Variants in GREB1L observed in about 807,000 individuals in gnomAD.
GREB1L encodes GREB1 like retinoic acid receptor coactivator, also known as GREB1-like protein.
In GREB1L, 17 loss-of-function variants were observed where a neutral mutation model predicts 200.8. That is an observed-to-expected ratio of 0.08 (90% confidence interval 0.06 to 0.13). The LOEUF (loss-of-function observed/expected upper bound fraction) is 0.13, where lower values mean the gene tolerates loss of function less well. Ranked by LOEUF, GREB1L falls within the 10% of genes least tolerant of loss-of-function variation. GREB1L has a pLI of 1.00. For missense variants in GREB1L, 1,657 were observed against 2,367.7 expected (o/e 0.70, Z 6.23); for synonymous variants, 789 against 893.0 (o/e 0.88, Z 2.08).
intron 30 of GREB1L, among the ~76,000 whole-genome samples, chr18:21,517,670 AG>A (rs1254861686): frequency 6.6e-6 from 1 of 152,196 alleles, no homozygotes; most frequent in African/African-American, 2.4e-5. Context: ...AGTGGAGCTT[AG>A]AAACCTCTTT....
At chr18:21,461,918 T>C (rs1263591990) in intron 15 of GREB1L, among the ~76,000 whole-genome samples, 1 of 152,200 alleles carries the variant, frequency 6.6e-6, no homozygotes, top group East Asian at 1.9e-4. Flanking sequence ...AAGCCCATGT[T>C]CCAGAAATCT....
At chr18:21,308,479 C>T (rs944552454) in intron 1 of GREB1L, among the ~76,000 whole-genome samples, 2 of 152,186 alleles carry the variant, frequency 1.3e-5, no homozygotes, top group Non-Finnish European at 2.9e-5. Flanking sequence ...TAAACAATAG[C>T]TGAGAGTATC....
intron 29 of GREB1L, 151 bp from the exon 30 acceptor site, chr18:21,516,462 T>C (rs1431882539): frequency 1.5e-6 from 1 of 677,122 alleles, no homozygotes; most frequent in African/African-American, 1.8e-5. Flanking sequence ...TCAGAGTTTT[T>C]CCAGGTCAGT....
At chr18:21,398,477 G>T (rs1355053925) in intron 5 of GREB1L, among the ~76,000 whole-genome samples, 1 of 152,098 alleles carries the variant, frequency 6.6e-6, no homozygotes, top group African/African-American at 2.4e-5. Context: ...CTCTAGCCTT[G>T]TAAGTGGACA....
At chr18:21,390,570 C>T (rs750657723) in intron 4 of GREB1L, among the ~76,000 whole-genome samples, 31 of 152,222 alleles carry the variant, frequency 2.0e-4, no homozygotes, top group African/African-American at 5.5e-4. Context: ...TGGAGTCTCG[C>T]GCTGTCACCA....
intron 17 of GREB1L, among the ~76,000 whole-genome samples, chr18:21,480,703 A>C (rs1232688378): frequency 2.6e-5 from 4 of 152,182 alleles, no homozygotes; most frequent in South Asian, 2.1e-4. Context: ...CTTGTGTTGA[A>C]TCTTGCAAAG....
intron 19 of GREB1L, among the ~76,000 whole-genome samples, chr18:21,494,861 T>C (rs933248056): frequency 1.3e-5 from 2 of 152,240 alleles, no homozygotes; most frequent in Non-Finnish European, 2.9e-5. Flanking sequence ...CTTTTGAATA[T>C]TTTTCAAATT....
At chr18:21,413,808 C>T (rs1369584346) in intron 7 of GREB1L, among the ~76,000 whole-genome samples, 3 of 152,132 alleles carry the variant, frequency 2.0e-5, no homozygotes, top group Admixed American at 6.5e-5. Flanking sequence ...AAATGCAACC[C>T]CTTAGTAAGC....
intron 23 of GREB1L, among the ~76,000 whole-genome samples, chr18:21,505,152 T>A (rs1379357538): frequency 6.6e-6 from 1 of 152,194 alleles, no homozygotes; most frequent in African/African-American, 2.4e-5. Context: ...TTTGGCCTGG[T>A]GGAGACTAGG....
intron 15 of GREB1L, among the ~76,000 whole-genome samples, chr18:21,464,499 G>A (rs1381253659): frequency 2.0e-5 from 3 of 146,928 alleles, no homozygotes; most frequent in South Asian, 2.2e-4. Flanking sequence ...AGCCGAGATC[G>A]CGCCACTGCA....
intron 7 of GREB1L, among the ~76,000 whole-genome samples, chr18:21,425,595 T>TGTA (rs779470757): frequency 6.6e-5 from 10 of 152,338 alleles, no homozygotes; most frequent in East Asian, 5.8e-4. Flanking sequence ...GTGGGTACGA[T>TGTA]GTAGTAGCTC....
intron 4 of GREB1L, among the ~76,000 whole-genome samples, chr18:21,393,763 A>G (rs2040928784): frequency 6.6e-6 from 1 of 151,942 alleles, no homozygotes; most frequent in Non-Finnish European, 1.5e-5. Flanking sequence ...GGGTTTCACC[A>G]TGTTGGCAAG....
intron 15 of GREB1L, among the ~76,000 whole-genome samples, chr18:21,467,175 T>G (rs1269946568): frequency 6.6e-6 from 1 of 152,246 alleles, no homozygotes; most frequent in Non-Finnish European, 1.5e-5. Flanking sequence ...TAAATATTTG[T>G]GACCTTGGAA....
chr18:21,429,235 TTCCCCTCCTC>T (rs2032942064), intron 7 of GREB1L, among the ~76,000 whole-genome samples: 2 of 90,092 alleles, frequency 2.2e-5, no homozygotes, highest in African/African-American at 8.6e-5. Context: ...TCCCTTCCTC[TTCCCCTCCTC>T]TCCTCTCCTC....
rs546425998 is a variant in GREB1L, at chr18:21,385,264, C to G, written c.355+861C>G. On this transcript the variant is annotated intron_variant, in intron 4 of 32. Transcript: ENST00000424526. Reference sequence around the variant, plus strand: ...GAGAAGAAGAAAAGGGATATAATTTCAGAACATTCCTCTTACAAAGCTTAA... The same window carrying G: ...GAGAAGAAGAAAAGGGATATAATTTGAGAACATTCCTCTTACAAAGCTTAA... 2.0e-5 allele frequency among the ~76,000 whole-genome samples: 3 copies of G among 152,084 alleles called. No homozygotes were observed. The South Asian group carries it at 6.2e-4, about 32-fold the overall frequency.
At chr18:21,505,657 T>C in intron 24 of GREB1L, 90 bp downstream of exon 24, 1 of 1,447,848 alleles carries the variant, frequency 6.9e-7, no homozygotes, top group Non-Finnish European at 9.3e-7. Flanking sequence ...TTCGCTCTTA[T>C]GCGCATCATT....
At chr18:21,341,538 A>G (rs2039269909) in intron 1 of GREB1L, among the ~76,000 whole-genome samples, 1 of 152,024 alleles carries the variant, frequency 6.6e-6, no homozygotes, top group African/African-American at 2.4e-5. Flanking sequence ...CACACAGATA[A>G]TTTTTTAAAT....
At chr18:21,519,468 AAAC>A (rs1387748279) in intron 31 of GREB1L, among the ~76,000 whole-genome samples, 1 of 152,130 alleles carries the variant, frequency 6.6e-6, no homozygotes, top group Non-Finnish European at 1.5e-5. Context: ...AAAAAAAACA[AAAC>A]AAACCCACAC....
intron 11 of GREB1L, among the ~76,000 whole-genome samples, chr18:21,446,745 A>T (rs959644819): frequency 4.6e-5 from 7 of 152,202 alleles, no homozygotes; most frequent in African/African-American, 7.2e-5. Flanking sequence ...ATAGACATTT[A>T]AAAAAATAAA....
Sources: allele counts gnomAD v4.1 joint callset (sites outside exome capture counted in the v4.1 genomes callset), GRCh38; gene constraint gnomAD v4.1.1; transcripts MANE v1.5; gene names NCBI Gene and HGNC (gene_info 2026-07-23, HGNC 2026-07-21).